TRIM55: variants seen among roughly 807,000 people sequenced by gnomAD.
The protein encoded by TRIM55 is tripartite motif containing 55, also known as tripartite motif-containing protein 55.
Under a neutral mutation model 60.9 loss-of-function variants are expected in TRIM55, and 50 were observed. The ratio of observed to expected loss-of-function variants is 0.82; its 90% CI spans 0.65 to 1.04. The LOEUF is 1.04. TRIM55 is among the 50% of genes least tolerant of loss of function. TRIM55 has a pLI of 0.00. For synonymous variants in TRIM55, 237 were observed against 238.1 expected (o/e 1.00, Z 0.04); for missense variants, 681 against 666.9 (o/e 1.02, Z -0.23).
chr8:66,137,260 G>A, intron 4 of TRIM55, 70 bp downstream of exon 4: 1 of 1,137,818 alleles, frequency 8.8e-7, no homozygotes, highest in Non-Finnish European at 1.3e-6. Flanking sequence ...CTTCCTTAGT[G>A]CCACACTAGA....
Position 66,130,278 on chromosome 8 carries a change from C to T in TRIM55, c.341+1802C>T, listed in dbSNP as rs114974252. On this transcript the variant is annotated intron_variant, in intron 2 of 9. Transcript: ENST00000315962. ...ATGAACCAAATTTCCAACAATAAAG[C>T]TCATAGTTGAGTGAACTAGGGATGC... Among the ~76,000 whole-genome samples, 1,159 of 152,302 alleles carry T rather than the reference C, an allele frequency of 7.6e-3. 17 individuals carry two copies. Among genetic ancestry groups the T allele is most frequent in the African/African-American group, 0.026 (1,095 of 41,556 alleles).
In TRIM55 at chr8:66,150,342, A is replaced by C. The variant is rs771851122; in HGVS notation, c.861A>C (p.Lys287Asn). ...FLQNAKTLLK[K>N]ISEASKAFQM... ...AAGTGGCAACTTGTCTTTGTTGCAG[A>C]ATCTCGGAAGCATCAAAGGCATTTC... Residue 287 changes from lysine to asparagine, a missense_variant and splice_region_variant, in exon 7 of 10, where the codon AAA becomes AAC. By Grantham distance (94) the Lys-to-Asn change is moderately conservative. Coordinates refer to ENST00000315962, the MANE Select transcript of TRIM55 (RefSeq NM_184085.2). 1.2e-6 allele frequency: 2 copies of C among 1,614,118 alleles called. No homozygotes were observed. The highest frequency in any genetic ancestry group is 2.7e-5 in the African/African-American group (2 of 74,952).
At position 66,152,610 on chromosome 8, in the gene TRIM55, G is replaced by A; in HGVS notation, c.1219G>A (p.Asp407Asn). ...ACCTCCAGCCCTGCCACCTGCTGCGGATGCCCCTGTGACACAGGTAACCCC... is the reference window on the plus strand; with the variant it reads ...ACCTCCAGCCCTGCCACCTGCTGCGAATGCCCCTGTGACACAGGTAACCCC... Reference protein sequence around the residue: ...EPPPALPPAADAPVTQGEVVP... With the variant: ...EPPPALPPAANAPVTQGEVVP... Residue 407 changes from aspartate (D) to asparagine (N), a missense_variant, in exon 8 of 10, where the codon GAT (aspartate) becomes AAT (asparagine). Asp to Asn is a conservative substitution (Grantham distance 23, BLOSUM62 1). Coordinates refer to ENST00000315962, the MANE Select transcript of TRIM55 (RefSeq NM_184085.2). 6 of 1,614,030 alleles carry A rather than the reference G, an allele frequency of 3.7e-6. No individual in the cohort carries two copies. The highest frequency in any genetic ancestry group is 5.1e-6 in the Non-Finnish European group (6 of 1,179,974).
chr8:66,144,442 C>T (rs1809995354), intron 4 of TRIM55, among the ~76,000 whole-genome samples: 1 of 152,178 alleles, frequency 6.6e-6, no homozygotes, highest in African/African-American at 2.4e-5. Context: ...ATATAACTGT[C>T]CTAGCAGACC....
Position 66,152,756 on chromosome 8 carries a change from G to A in TRIM55, c.1236+129G>A, listed in dbSNP as rs528404836. 1.1e-5 allele frequency: 14 copies of A among 1,277,874 alleles called. No homozygotes were observed. The East Asian group carries it at 1.2e-4, about 11-fold the overall frequency. 79.2% of individuals were successfully genotyped at this position (1,277,874 alleles called of 1,614,324 possible). On this transcript the variant is annotated intron_variant, in intron 8 of 9. Coordinates refer to ENST00000315962, the MANE Select transcript of TRIM55 (RefSeq NM_184085.2). ...TGCCAGACATTCGTATATGGTAGAC[G>A]AAAGATTTCAGGACAGTCCTCATGT...
chr8:66,133,580 G>A (rs1177544214), intron 2 of TRIM55, among the ~76,000 whole-genome samples: 1 of 152,200 alleles, frequency 6.6e-6, no homozygotes, highest in African/African-American at 2.4e-5. Flanking sequence ...ATTGCTGCAA[G>A]ACCAGACAGA....
intron 2 of TRIM55, among the ~76,000 whole-genome samples, chr8:66,133,642 C>T (rs187614026): frequency 5.9e-5 from 9 of 152,306 alleles, no homozygotes; most frequent in Admixed American, 1.3e-4. Flanking sequence ...GAAGTCCGTG[C>T]AATTTTCTTA....
chr8:66,146,311 A>G (rs544052556), intron 4 of TRIM55, among the ~76,000 whole-genome samples: 4 of 150,152 alleles, frequency 2.7e-5, no homozygotes, highest in Middle Eastern at 3.4e-3. Flanking sequence ...GAAATAAAAT[A>G]ATGCTTGGAA....
intron 3 of TRIM55, among the ~76,000 whole-genome samples, chr8:66,136,092 T>G (rs77990461): frequency 3.3e-5 from 5 of 152,312 alleles, no homozygotes; most frequent in Non-Finnish European, 7.3e-5. Context: ...AGAAACAGAT[T>G]TTGCAAATTA....
chr8:66,155,709 G>T, intron 9 of TRIM55: 1 of 1,597,044 alleles, frequency 6.3e-7, no homozygotes, highest in South Asian at 1.1e-5. Flanking sequence ...TTACTTTAAT[G>T]GGTAGGAAAT....
Position 66,152,419 on chromosome 8 carries a change from A to G in TRIM55, c.1028A>G (p.Lys343Arg), listed in dbSNP as rs7843605. The G allele has an allele frequency of 0.11, 179,174 of 1,611,220 alleles. 20,390 individuals are homozygous for G. The highest frequency in any genetic ancestry group is 0.6 in the African/African-American group (45,238 of 74,882). The change falls in exon 8 of 10, where the codon AAA (lysine) becomes AGA (arginine). Residue 343 changes from lysine to arginine, a missense_variant. Physicochemically the swap from Lys to Arg is conservative, Grantham distance 26. Coordinates refer to ENST00000315962, the MANE Select transcript of TRIM55 (RefSeq NM_184085.2). ...EEEEEGGEGE[K>R]EGEGEVGGEA... Reference sequence around the variant, plus strand: ...GAAGAAGAAGGCGGAGAAGGAGAAAAAGAAGGAGAAGGAGAAGTGGGAGGA... The same window carrying G: ...GAAGAAGAAGGCGGAGAAGGAGAAAGAGAAGGAGAAGGAGAAGTGGGAGGA...
At chr8:66,160,956 T>C (rs1046039600) in intron 9 of TRIM55, among the ~76,000 whole-genome samples, 1 of 152,128 alleles carries the variant, frequency 6.6e-6, no homozygotes, top group African/African-American at 2.4e-5. Context: ...GCAGATTTTC[T>C]TCCACTCTAT....
chr8:66,113,464 A>G, the TRIM55 span: 1 of 452,626 alleles, frequency 2.2e-6, no homozygotes, highest in South Asian at 1.6e-5. Flanking sequence ...GAAGGAGACA[A>G]GTGCGGTTTT....
chr8:66,152,644 C>G lies in TRIM55; in HGVS notation c.1236+17C>G. ...GTGACACAGGTAACCCCTCCTGAGT[C>G]TCTTTCTACAGGGCACATGGGCGTG... is the stretch of plus-strand genomic sequence containing the variant. On this transcript the variant is annotated intron_variant, in intron 8 of 9. Transcript: ENST00000315962. 1 of 1,611,024 alleles carries G rather than the reference C, an allele frequency of 6.2e-7. No homozygotes were observed. The highest frequency in any genetic ancestry group is 8.5e-7 in the Non-Finnish European group (1 of 1,178,562).
chr8:66,173,686 T>G (rs1202919784), intron 9 of TRIM55, among the ~76,000 whole-genome samples: 1 of 152,214 alleles, frequency 6.6e-6, no homozygotes, highest in Non-Finnish European at 1.5e-5. Context: ...AAAATCAAAT[T>G]GCATTTCAGC....
chr8:66,165,716 A>G (rs1811292235), intron 9 of TRIM55, among the ~76,000 whole-genome samples: 1 of 152,202 alleles, frequency 6.6e-6, no homozygotes, highest in Non-Finnish European at 1.5e-5. Flanking sequence ...ACAATAGAGA[A>G]AAACTGATCC....
intron 4 of TRIM55, among the ~76,000 whole-genome samples, chr8:66,142,326 G>A (rs74830474): frequency 0.024 from 3,580 of 152,284 alleles, 149 homozygotes; most frequent in African/African-American, 0.081. Context: ...AGAGGGACAC[G>A]TTGAGAATGA....
At chr8:66,135,568 C>T (rs189954110) in intron 3 of TRIM55, among the ~76,000 whole-genome samples, 16 of 152,326 alleles carry the variant, frequency 1.1e-4, no homozygotes, top group Middle Eastern at 3.4e-3. Flanking sequence ...TACTTTCCTT[C>T]ATCCACCCAT....
rs146611717 is a variant in TRIM55, at chr8:66,129,119, A to G, written c.341+643A>G. Among the ~76,000 whole-genome samples, 411 of 152,370 alleles carry G rather than the reference A, an allele frequency of 2.7e-3. 5 individuals carry two copies. Among genetic ancestry groups the G allele is most frequent in the African/African-American group, 9.4e-3 (392 of 41,584 alleles). On this transcript the variant is annotated intron_variant, in intron 2 of 9. Transcript: ENST00000315962. ...CTATTCCTTATACTGTATTTACTGC[A>G]TAGTCAGCATTCACTTGTTGATTGT...
Sources: allele counts gnomAD v4.1 joint callset (sites outside exome capture counted in the v4.1 genomes callset), GRCh38; gene constraint gnomAD v4.1.1; transcripts MANE v1.5; gene names NCBI Gene and HGNC (gene_info 2026-07-23, HGNC 2026-07-21).